Variants in PPFIA2 observed in about 807,000 individuals in gnomAD.
PPFIA2 encodes PPFI scaffold protein A2, also known as liprin-alpha-2.
In PPFIA2, 46 loss-of-function variants were observed where a neutral mutation model predicts 175.5. The ratio of observed to expected loss-of-function variants is 0.26; its 90% confidence interval spans 0.21 to 0.34. The LOEUF is 0.34. Ranked by LOEUF, PPFIA2 falls within the 10% of genes least tolerant of loss-of-function variation. The pLI is 1.00. For missense variants in PPFIA2, 1,179 were observed against 1,506.1 expected, an observed-to-expected ratio of 0.78 and a Z score of 3.60; for synonymous variants, 568 against 511.4, an observed-to-expected ratio of 1.11 and a Z score of -1.49.
At chr12:81,271,992 T>A (rs2039251522) in intron 28 of PPFIA2, among the ~76,000 whole-genome samples, 1 of 152,302 alleles carries the variant, frequency 6.6e-6, no homozygotes, top group African/African-American at 2.4e-5. Flanking sequence ...TTACTATTGA[T>A]GGACATACTT....
chr12:81,285,357 T>C (rs902682880), intron 24 of PPFIA2, among the ~76,000 whole-genome samples: 1 of 152,138 alleles, frequency 6.6e-6, no homozygotes, highest in Non-Finnish European at 1.5e-5. Flanking sequence ...GCAAAGTTGT[T>C]ACCCAAACAT....
At chr12:81,512,639 C>A (rs146362112) in intron 4 of PPFIA2, among the ~76,000 whole-genome samples, 1 of 151,856 alleles carries the variant, frequency 6.6e-6, no homozygotes. Context: ...ACCTGTCATT[C>A]GAGCAATATA....
intron 4 of PPFIA2, among the ~76,000 whole-genome samples, chr12:81,481,480 G>A (rs2058215492): frequency 6.6e-6 from 1 of 152,092 alleles, no homozygotes; most frequent in South Asian, 2.1e-4. Context: ...CATGCTACCT[G>A]ACTGCAAACG....
chr12:81,616,474 C>T (rs1226966724), intron 4 of PPFIA2, among the ~76,000 whole-genome samples: 4 of 152,030 alleles, frequency 2.6e-5, no homozygotes, highest in African/African-American at 9.7e-5. Context: ...AGAGAATGAT[C>T]CCAGCAAAAC....
intron 7 of PPFIA2, among the ~76,000 whole-genome samples, chr12:81,421,085 G>A (rs902834797): frequency 6.6e-6 from 1 of 152,182 alleles, no homozygotes; most frequent in Middle Eastern, 3.4e-3. Flanking sequence ...CTTTAAAAGT[G>A]AAGAAGGGAT....
chr12:81,642,703 T>TGTATATAATATATAC (rs1173180908), intron 4 of PPFIA2, among the ~76,000 whole-genome samples: 2 of 13,928 alleles, frequency 1.4e-4, no homozygotes, highest in African/African-American at 7.0e-4. Flanking sequence ...CATACATGTA[T>TGTATATAATATATAC]ATGTATGTAT....
chr12:81,478,163 C>A (rs1352046536), intron 4 of PPFIA2, among the ~76,000 whole-genome samples: 1 of 151,820 alleles, frequency 6.6e-6, no homozygotes, highest in African/African-American at 2.4e-5. Flanking sequence ...CAGGAATTTA[C>A]CCATTTCTTC....
intron 7 of PPFIA2, among the ~76,000 whole-genome samples, chr12:81,422,745 G>A (rs973548444): frequency 3.3e-5 from 5 of 151,904 alleles, no homozygotes; most frequent in East Asian, 3.9e-4. Flanking sequence ...CCCACAACAC[G>A]TGGGAATTCA....
At chr12:81,585,091 A>G (rs1032537257) in intron 4 of PPFIA2, among the ~76,000 whole-genome samples, 2 of 129,248 alleles carry the variant, frequency 1.5e-5, no homozygotes, top group African/African-American at 5.8e-5. Flanking sequence ...TATATAATAT[A>G]TAAAAGAATA....
intron 4 of PPFIA2, among the ~76,000 whole-genome samples, chr12:81,645,182 G>A (rs189236634): frequency 7.3e-5 from 11 of 151,664 alleles, no homozygotes; most frequent in African/African-American, 2.7e-4. Context: ...AGAGATAAAG[G>A]GAAAGAGAGA....
chr12:81,423,475 C>T (rs2046643866), intron 7 of PPFIA2, among the ~76,000 whole-genome samples: 1 of 152,048 alleles, frequency 6.6e-6, no homozygotes, highest in South Asian at 2.1e-4. Context: ...TGATACAACA[C>T]ATCAGCAAAA....
intron 3 of PPFIA2, among the ~76,000 whole-genome samples, chr12:81,723,442 G>T (rs1193331188): frequency 1.3e-5 from 2 of 150,868 alleles, no homozygotes; most frequent in Non-Finnish European, 1.5e-5. Context: ...ACTTTCTTAA[G>T]ATTCATGAAA....
intron 4 of PPFIA2, among the ~76,000 whole-genome samples, chr12:81,533,909 C>A (rs984544958): frequency 6.6e-6 from 1 of 151,404 alleles, no homozygotes; most frequent in South Asian, 2.1e-4. Context: ...CACTCCCTTG[C>A]TAGTTTTTTT....
intron 1 of PPFIA2, among the ~76,000 whole-genome samples, chr12:81,758,970 C>A (rs1344387447): frequency 4.6e-5 from 7 of 152,276 alleles, no homozygotes; most frequent in Admixed American, 4.6e-4. Context: ...GTCTCCCCTC[C>A]TGGAGCCCCT....
chr12:81,310,647 G>A (rs2050536890), intron 22 of PPFIA2, among the ~76,000 whole-genome samples: 1 of 152,068 alleles, frequency 6.6e-6, no homozygotes, highest in Non-Finnish European at 1.5e-5. Context: ...AAAACTCAAT[G>A]TCTATAATAT....
chr12:81,424,672 G>A (rs2046841110), intron 7 of PPFIA2, among the ~76,000 whole-genome samples: 1 of 152,150 alleles, frequency 6.6e-6, no homozygotes, highest in Admixed American at 6.5e-5. Flanking sequence ...TTAGAGTGAT[G>A]TGAGACCAAG....
At chr12:81,410,878 T>C (rs976891249) in intron 7 of PPFIA2, among the ~76,000 whole-genome samples, 1 of 152,098 alleles carries the variant, frequency 6.6e-6, no homozygotes, top group Non-Finnish European at 1.5e-5. Context: ...TTCCTATTCA[T>C]GCAGAAAACA....
chr12:81,681,314 G>T (rs2073586928), intron 3 of PPFIA2, among the ~76,000 whole-genome samples: 1 of 152,004 alleles, frequency 6.6e-6, no homozygotes, highest in Non-Finnish European at 1.5e-5. Flanking sequence ...CCTAAGTGGG[G>T]TTATTAGCCA....
chr12:81,379,822 T>C (rs141701591), intron 9 of PPFIA2, among the ~76,000 whole-genome samples: 4 of 152,288 alleles, frequency 2.6e-5, no homozygotes, highest in East Asian at 3.9e-4. Flanking sequence ...CAGTGGAACA[T>C]ATTTATAAAT....
Sources: gnomAD v4.1 joint callset for allele counts (sites outside exome capture counted in the v4.1 genomes callset) on GRCh38, gnomAD v4.1.1 for gene constraint, MANE v1.5 for transcripts, NCBI Gene and HGNC (gene_info 2026-07-23, HGNC 2026-07-21) for gene names.